Variants in KCNK13 observed in about 807,000 individuals in gnomAD.
The protein encoded by KCNK13 is potassium two pore domain channel subfamily K member 13, also known as potassium channel subfamily K member 13.
KCNK13 carries 12 observed loss-of-function variants against 23.4 expected under a neutral mutation model. That is an observed-to-expected ratio of 0.51 (90% CI 0.33 to 0.83). The LOEUF is 0.83. KCNK13 is among the 40% of genes least tolerant of loss of function. The probability of loss-of-function intolerance (pLI) is 0.02; values close to 1 mark genes in which losing one functional copy is unlikely to be tolerated. For synonymous variants in KCNK13, 231 were observed against 229.5 expected (o/e 1.01, Z -0.06); for missense variants, 463 against 556.3 (o/e 0.83, Z 1.69).
intron 1 of KCNK13, among the ~76,000 whole-genome samples, chr14:90,140,997 AGCGAATGAGAAGGAAGG>A (rs1259858504): frequency 6.6e-6 from 1 of 152,180 alleles, no homozygotes; most frequent in Non-Finnish European, 1.5e-5. Flanking sequence ...TCCTACCCAT[AGCGAATGAGAAGGAAGG>A]GCGTCACTCC....
At chr14:90,117,107 A>G (rs1889685802) in intron 1 of KCNK13, among the ~76,000 whole-genome samples, 1 of 152,210 alleles carries the variant, frequency 6.6e-6, no homozygotes, top group African/African-American at 2.4e-5. Flanking sequence ...CTTCTGAGCC[A>G]TTGTTAAGAA....
At chr14:90,175,653 C>G (rs1327022449) in intron 1 of KCNK13, among the ~76,000 whole-genome samples, 1 of 152,180 alleles carries the variant, frequency 6.6e-6, no homozygotes, top group East Asian at 1.9e-4. Flanking sequence ...CTGAAAGTCC[C>G]AGACAGAAGA....
chr14:90,160,021 C>T (rs1953217), intron 1 of KCNK13, among the ~76,000 whole-genome samples: 147,079 of 151,980 alleles, frequency 0.97, 71,255 homozygotes, highest in East Asian at 1. Context: ...CCTCTGCTCC[C>T]GAGGAGCTTA....
intron 1 of KCNK13, among the ~76,000 whole-genome samples, chr14:90,097,369 A>T (rs538971444): frequency 2.0e-5 from 3 of 152,128 alleles, no homozygotes; most frequent in South Asian, 2.1e-4. Context: ...CTTTATAACA[A>T]CCCACTGTCA....
At chr14:90,183,725 C>G (rs755784105) in intron 1 of KCNK13, among the ~76,000 whole-genome samples, 1 of 152,190 alleles carries the variant, frequency 6.6e-6, no homozygotes, top group Non-Finnish European at 1.5e-5. Context: ...GCCTTTGCTT[C>G]TCTCTCTAAA....
At chr14:90,132,756 G>A (rs926772380) in intron 1 of KCNK13, among the ~76,000 whole-genome samples, 1 of 152,116 alleles carries the variant, frequency 6.6e-6, no homozygotes, top group Non-Finnish European at 1.5e-5. Context: ...TAAGTTTCAT[G>A]TTATGTATAT....
intron 1 of KCNK13, among the ~76,000 whole-genome samples, chr14:90,162,546 C>A (rs529142916): frequency 1.3e-5 from 2 of 152,286 alleles, no homozygotes; most frequent in East Asian, 3.9e-4. Context: ...TTATTTCTTA[C>A]AACTGCTGTC....
intron 1 of KCNK13, among the ~76,000 whole-genome samples, chr14:90,077,142 G>C (rs1264537947): frequency 1.1e-5 from 1 of 89,774 alleles, no homozygotes; most frequent in Non-Finnish European, 2.2e-5. Flanking sequence ...TTTTTTAGAC[G>C]AAGTTTCTCT....
intron 1 of KCNK13, among the ~76,000 whole-genome samples, chr14:90,094,427 A>G (rs990063554): frequency 1.3e-5 from 2 of 152,162 alleles, no homozygotes; most frequent in Non-Finnish European, 2.9e-5. Flanking sequence ...CTTGTAATCT[A>G]TGAGTTAACT....
chr14:90,079,389 A>G (rs1167290144), intron 1 of KCNK13, among the ~76,000 whole-genome samples: 1 of 152,212 alleles, frequency 6.6e-6, no homozygotes, highest in African/African-American at 2.4e-5. Flanking sequence ...AGGTTATTTT[A>G]TGGAGCATAA....
At chr14:90,107,121 C>T (rs1424077545) in intron 1 of KCNK13, among the ~76,000 whole-genome samples, 3 of 152,138 alleles carry the variant, frequency 2.0e-5, no homozygotes, top group Non-Finnish European at 4.4e-5. Flanking sequence ...GTGCTCTGTA[C>T]CACACACCAC....
intron 1 of KCNK13, among the ~76,000 whole-genome samples, chr14:90,121,704 T>C (rs1889740763): frequency 6.6e-6 from 1 of 152,140 alleles, no homozygotes; most frequent in Admixed American, 6.5e-5. Context: ...CCTTTCAGCC[T>C]TACCTTTGTG....
At chr14:90,104,474 A>G (rs923290897) in intron 1 of KCNK13, among the ~76,000 whole-genome samples, 4 of 152,216 alleles carry the variant, frequency 2.6e-5, no homozygotes, top group Non-Finnish European at 5.9e-5. Flanking sequence ...CCAGAAGGCA[A>G]TAAGACACCT....
intron 1 of KCNK13, among the ~76,000 whole-genome samples, chr14:90,071,260 T>G (rs1299388026): frequency 6.6e-6 from 1 of 152,220 alleles, no homozygotes; most frequent in Non-Finnish European, 1.5e-5. Context: ...CTGTCTTCTT[T>G]TGAAAGAAGC....
chr14:90,150,515 AG>A (rs1287761803), intron 1 of KCNK13, among the ~76,000 whole-genome samples: 1 of 152,232 alleles, frequency 6.6e-6, no homozygotes, highest in African/African-American at 2.4e-5. Flanking sequence ...GGTCTTCATG[AG>A]TGAGACACTC....
At chr14:90,069,610 T>C (rs930472173) in intron 1 of KCNK13, among the ~76,000 whole-genome samples, 3 of 152,000 alleles carry the variant, frequency 2.0e-5, no homozygotes, top group African/African-American at 7.3e-5. Flanking sequence ...CAATAAAATA[T>C]TGAAAGTCAC....
intron 1 of KCNK13, among the ~76,000 whole-genome samples, chr14:90,157,214 T>G (rs1413045183): frequency 6.6e-6 from 1 of 152,242 alleles, no homozygotes; most frequent in Admixed American, 6.5e-5. Context: ...CATACTTTGA[T>G]AATTGCACAT....
intron 1 of KCNK13, among the ~76,000 whole-genome samples, chr14:90,130,327 G>A (rs1889853036): frequency 6.6e-6 from 1 of 151,818 alleles, no homozygotes; most frequent in African/African-American, 2.4e-5. Context: ...AGCCTCCTGA[G>A]TAGCTGGGAT....
At chr14:90,083,243 C>A (rs1384685388) in intron 1 of KCNK13, among the ~76,000 whole-genome samples, 2 of 152,152 alleles carry the variant, frequency 1.3e-5, no homozygotes, top group Admixed American at 6.6e-5. Flanking sequence ...TTCTTTGAAG[C>A]ACCAAAGCTT....
Sources: allele counts gnomAD v4.1 joint callset (sites outside exome capture counted in the v4.1 genomes callset), GRCh38; gene constraint gnomAD v4.1.1; transcripts MANE v1.5; gene names NCBI Gene and HGNC (gene_info 2026-07-23, HGNC 2026-07-21).